RBM20: variants seen among roughly 807,000 people sequenced by gnomAD.
RBM20 encodes the protein RNA-binding protein 20.
A neutral mutation model predicts 110.1 loss-of-function variants in RBM20; 51 were observed. The observed-to-expected ratio is 0.46, with a 90% CI of 0.37 to 0.59. RBM20 has a LOEUF of 0.59. Ranked by LOEUF, RBM20 falls within the 20% of genes least tolerant of loss-of-function variation. The pLI is 0.00. For synonymous variants in RBM20, 589 were observed against 618.2 expected (o/e 0.95, Z 0.70); for missense variants, 1,512 against 1,574.9 (o/e 0.96, Z 0.68).
chr10:110,749,130 G>A (rs575544570), intron 1 of RBM20, among the ~76,000 whole-genome samples: 45 of 152,320 alleles, frequency 3.0e-4, no homozygotes, highest in Admixed American at 1.1e-3. Flanking sequence ...AAATGTCACC[G>A]CTGTGATTCA....
intron 1 of RBM20, among the ~76,000 whole-genome samples, chr10:110,658,478 G>A (rs1009584767): frequency 6.6e-6 from 1 of 152,110 alleles, no homozygotes; most frequent in African/African-American, 2.4e-5. Flanking sequence ...CCAATGATCG[G>A]AGATCCCGGG....
At chr10:110,738,446 G>T (rs12414946) in intron 1 of RBM20, among the ~76,000 whole-genome samples, 4 of 152,178 alleles carry the variant, frequency 2.6e-5, no homozygotes, top group Admixed American at 2.6e-4. Flanking sequence ...CTGGTGGAAT[G>T]TGATGTTCCT....
chr10:110,770,428 C>T (rs1358262745), intron 1 of RBM20, among the ~76,000 whole-genome samples: 1 of 152,184 alleles, frequency 6.6e-6, no homozygotes. Flanking sequence ...TCATCTGACC[C>T]TCCCATTTCA....
At chr10:110,700,787 G>A (rs554556357) in intron 1 of RBM20, among the ~76,000 whole-genome samples, 13 of 152,256 alleles carry the variant, frequency 8.5e-5, no homozygotes, top group Non-Finnish European at 1.3e-4. Context: ...AGGCTGAGGC[G>A]GGCGGATCAC....
rs182878007 is a variant in RBM20, at chr10:110,832,328, G to A, written c.3573+1146G>A. On this transcript the variant is annotated intron_variant, in intron 13 of 13. Coordinates refer to ENST00000369519, the MANE Select transcript of RBM20 (RefSeq NM_001134363.3). ...TCACAGTGGCTGTGCCCAAGTCCCAGGCTAGGCATTACTATTATCATTAAA... is the reference window on the plus strand; with the variant it reads ...TCACAGTGGCTGTGCCCAAGTCCCAAGCTAGGCATTACTATTATCATTAAA... Among the ~76,000 whole-genome samples the A allele has an allele frequency of 3.3e-5, 5 of 152,266 alleles. No individual in the cohort carries two copies. The East Asian group carries it at 9.6e-4, about 29-fold the overall frequency.
At chr10:110,776,049 T>G (rs1844258232) in intron 1 of RBM20, among the ~76,000 whole-genome samples, 1 of 152,172 alleles carries the variant, frequency 6.6e-6, no homozygotes, top group African/African-American at 2.4e-5. Flanking sequence ...TAACAAAGTA[T>G]CCGAGAGTGT....
Position 110,737,193 on chromosome 10 carries a change from A to AAAACAAAAAC in RBM20, c.192-43605_192-43604insCAAAAACAAA, listed in dbSNP as rs1843681356. ...ACTCTGCCTCAAAAAAAAAAAAAAA[A>AAAACAAAAAC]AAAACACCCCACACACACACTCAAA... On this transcript the variant is annotated intron_variant, in intron 1 of 13. Coordinates refer to ENST00000369519, the MANE Select transcript of RBM20 (RefSeq NM_001134363.3). Among the ~76,000 whole-genome samples, 3 of 116,448 alleles carry AAAACAAAAAC rather than the reference A, an allele frequency of 2.6e-5. 1 individual carries two copies. Among genetic ancestry groups the AAAACAAAAAC allele is most frequent in the Non-Finnish European group, 5.2e-5 (3 of 58,092 alleles). 76.4% of individuals were successfully genotyped at this position (116,448 alleles called of 152,430 possible).
chr10:110,818,169 T>C (rs983152938), intron 9 of RBM20, among the ~76,000 whole-genome samples: 1 of 150,328 alleles, frequency 6.7e-6, no homozygotes, highest in Non-Finnish European at 1.5e-5. Flanking sequence ...CAGGCACCTG[T>C]AATCCCAGTT....
intron 1 of RBM20, among the ~76,000 whole-genome samples, chr10:110,720,953 A>G (rs551575228): frequency 5.3e-5 from 8 of 152,100 alleles, no homozygotes; most frequent in African/African-American, 1.7e-4. Flanking sequence ...TCTCCCTGAC[A>G]TTTCTCTCAC....
intron 1 of RBM20, among the ~76,000 whole-genome samples, chr10:110,646,567 G>A (rs918295580): frequency 5.3e-5 from 8 of 152,168 alleles, no homozygotes; most frequent in African/African-American, 1.9e-4. Context: ...GTGCCCATAG[G>A]ATTTGATGTT....
At chr10:110,723,962 AT>A (rs1370715312) in intron 1 of RBM20, among the ~76,000 whole-genome samples, 2 of 152,148 alleles carry the variant, frequency 1.3e-5, no homozygotes, top group Non-Finnish European at 2.9e-5. Context: ...AATAGTATTC[AT>A]TTGTTAGTAG....
Position 110,780,806 on chromosome 10 carries a change from C to T in RBM20, c.197C>T (p.Ala66Val). 6.6e-7 allele frequency: 1 copy of T among 1,516,134 alleles called. No individual in the cohort carries two copies. The highest frequency in any genetic ancestry group is 1.3e-5 in the South Asian group (1 of 77,306). 93.9% of individuals were successfully genotyped at this position (1,516,134 alleles called of 1,614,324 possible). ...AGACCTCTGTCTTCCCACAGTGCCG[C>T]CAAGCTCCTGGACAAGAACCCATTC... ...AGLPQIIQNA[A>V]KLLDKNPFSV... The change falls in exon 2 of 14, where the codon GCC becomes GTC. Residue 66 changes from alanine (A) to valine (V), a missense_variant. Physicochemically the swap from Ala to Val is moderately conservative, Grantham distance 64. Coordinates refer to ENST00000369519, the MANE Select transcript of RBM20 (RefSeq NM_001134363.3).
chr10:110,771,123 G>C (rs947694229), intron 1 of RBM20, among the ~76,000 whole-genome samples: 1 of 152,174 alleles, frequency 6.6e-6, no homozygotes, highest in Non-Finnish European at 1.5e-5. Flanking sequence ...TATACATGGA[G>C]CAGGCATGTC....
chr10:110,768,098 C>A (rs1190315458), intron 1 of RBM20, among the ~76,000 whole-genome samples: 1 of 152,230 alleles, frequency 6.6e-6, no homozygotes, highest in Non-Finnish European at 1.5e-5. Flanking sequence ...GGCGTGGCGG[C>A]GCGCGCCTGC....
upstream of RBM20, among the ~76,000 whole-genome samples, chr10:110,644,052 C>A (rs72641325): frequency 0.19 from 28,206 of 152,200 alleles, 3,114 homozygotes; most frequent in South Asian, 0.39. The surrounding 1 kb of genome is among the most constrained non-coding windows in gnomAD (Gnocchi z 4.3). Context: ...GCCTTCCTCA[C>A]GCGGTATGCT....
At chr10:110,831,893 G>A (rs771575125) in intron 13 of RBM20, among the ~76,000 whole-genome samples, 4 of 151,948 alleles carry the variant, frequency 2.6e-5, no homozygotes, top group Admixed American at 2.0e-4. Flanking sequence ...GTTAAAGGGC[G>A]ACATATAAAA....
chr10:110,821,274 G>A lies in RBM20; in HGVS notation c.2656-1G>A. 6.5e-7 allele frequency: 1 copy of A among 1,549,440 alleles called. No homozygotes were observed. The highest frequency in any genetic ancestry group is 8.7e-7 in the Non-Finnish European group (1 of 1,145,220). On this transcript the variant is annotated splice_acceptor_variant, in intron 10 of 13. Coordinates refer to ENST00000369519, the MANE Select transcript of RBM20 (RefSeq NM_001134363.3). LOFTEE classifies it high-confidence loss of function. ...GACCTCCATTCTGCATTTTTGTACAGGAACAAGATTGGGAGAGTGAAAGTG... is the reference window on the plus strand; with the variant it reads ...GACCTCCATTCTGCATTTTTGTACAAGAACAAGATTGGGAGAGTGAAAGTG...
At chr10:110,827,335 T>C (rs572691526) in intron 12 of RBM20, among the ~76,000 whole-genome samples, 1 of 152,008 alleles carries the variant, frequency 6.6e-6, no homozygotes, top group East Asian at 1.9e-4. Context: ...AGTGAGCCAT[T>C]ATTGTGCCAC....
chr10:110,734,618 C>CGTTTTTTTTT (rs34824300), intron 1 of RBM20, among the ~76,000 whole-genome samples: 1 of 136,532 alleles, frequency 7.3e-6, no homozygotes, highest in Non-Finnish European at 1.6e-5. Context: ...AAAATTCCCT[C>CGTTTTTTTTT]TTTTTTTTTT....
Sources: allele counts gnomAD v4.1 joint callset (sites outside exome capture counted in the v4.1 genomes callset), GRCh38; gene constraint gnomAD v4.1.1; non-coding constraint Gnocchi (gnomAD v3.1); transcripts MANE v1.5; gene names NCBI Gene and HGNC (gene_info 2026-07-23, HGNC 2026-07-21).